The following MAGI1 variants were observed in gnomAD, a reference collection of about 807,000 sequenced individuals.
The protein encoded by MAGI1 is membrane associated guanylate kinase, WW and PDZ domain containing 1.
Under a neutral mutation model 139.9 loss-of-function variants are expected in MAGI1, and 58 were observed. The observed-to-expected ratio is 0.41, with a 90% CI of 0.34 to 0.52. The LOEUF (loss-of-function observed/expected upper bound fraction) is 0.52, where lower values mean the gene tolerates loss of function less well. Among genes scored for constraint, MAGI1 ranks in the 20% least tolerant of loss-of-function variants. The pLI is 0.12. For synonymous variants in MAGI1, 812 were observed against 737.9 expected, an observed-to-expected ratio of 1.10 and a Z score of -1.63; for missense variants, 1,874 against 1,901.6, an observed-to-expected ratio of 0.99 and a Z score of 0.27.
At chr3:65,763,398 C>G (rs1446769354) in intron 1 of MAGI1, among the ~76,000 whole-genome samples, 1 of 152,134 alleles carries the variant, frequency 6.6e-6, no homozygotes, top group Non-Finnish European at 1.5e-5. Flanking sequence ...AAGCTTTTCT[C>G]CTGTGACTCT....
At position 65,603,899 on chromosome 3, in the gene MAGI1, T is replaced by A. The variant is rs149988011; in HGVS notation, c.430+18073A>T. 6.6e-5 allele frequency among the ~76,000 whole-genome samples: 10 copies of A among 152,214 alleles called. No homozygotes were observed. In the East Asian group the frequency reaches 1.9e-3, roughly 29 times the overall value. ...GAAGACTGGAAGAAAGGAAACCCAC[T>A]CTCTCAAGTCTGTTTAAAAGGATCC... On this transcript the variant is annotated intron_variant, in intron 2 of 22. Coordinates refer to ENST00000402939, the MANE Select transcript of MAGI1 (RefSeq NM_001033057.2).
chr3:65,360,878 T>C (rs1940784902), intron 22 of MAGI1: 2 of 1,218,690 alleles, frequency 1.6e-6, no homozygotes, highest in Admixed American at 3.9e-5. Flanking sequence ...GTGCTAACAA[T>C]TGGATCTGAG....
chr3:65,732,685 C>A (rs1434501548), intron 1 of MAGI1, among the ~76,000 whole-genome samples: 1 of 152,152 alleles, frequency 6.6e-6, no homozygotes, highest in African/African-American at 2.4e-5. Context: ...ACTATCATAA[C>A]AAAATTATGC....
At chr3:65,621,812 A>T (rs1244303452) in intron 2 of MAGI1, among the ~76,000 whole-genome samples, 160 bp downstream of exon 2, 1 of 152,060 alleles carries the variant, frequency 6.6e-6, no homozygotes, top group Non-Finnish European at 1.5e-5. Context: ...ACACCACGAC[A>T]CTGTTATTGA....
intron 22 of MAGI1, chr3:65,359,536 G>A (rs1395105139): frequency 5.1e-6 from 5 of 982,846 alleles, no homozygotes; most frequent in East Asian, 9.7e-5. Flanking sequence ...CAAAGACCGC[G>A]GCAGTTAAAT....
At position 65,440,146 on chromosome 3, in the gene MAGI1, C is replaced by T. The variant is rs779740710; in HGVS notation, c.1137-134G>A. The T allele has an allele frequency of 4.1e-6, 4 of 979,188 alleles. No homozygotes were observed. The Admixed American group carries it at 8.6e-5, about 21-fold the overall frequency. 60.7% of individuals were successfully genotyped at this position (979,188 alleles called of 1,614,324 possible). The stretch of plus-strand genomic sequence containing the variant: ...ATGCTAACCCTCGTGTGTTAAAATG[C>T]TCAGTTAGAAAGAGGAAATAAAAAT... On this transcript the variant is annotated intron_variant, in intron 8 of 22. Transcript: ENST00000402939.
intron 2 of MAGI1, chr3:65,532,715 G>A (rs2078769062): frequency 6.6e-6 from 1 of 152,214 alleles, no homozygotes; most frequent in Non-Finnish European, 1.5e-5. Flanking sequence ...GGGTCCAGGT[G>A]ATCATCAAGC....
chr3:65,997,257 C>T (rs1157216440), intron 1 of MAGI1, among the ~76,000 whole-genome samples: 1 of 152,174 alleles, frequency 6.6e-6, no homozygotes, highest in Admixed American at 6.6e-5. Flanking sequence ...ACCACTAAAA[C>T]CTCCACCAAC....
chr3:65,602,281 T>C (rs969280581), intron 2 of MAGI1, among the ~76,000 whole-genome samples: 1 of 152,176 alleles, frequency 6.6e-6, no homozygotes, highest in Non-Finnish European at 1.5e-5. Flanking sequence ...TTACTCATAA[T>C]AGCCAAAAAG....
chr3:65,774,469 A>C (rs1236734723), intron 1 of MAGI1, among the ~76,000 whole-genome samples: 4 of 152,188 alleles, frequency 2.6e-5, no homozygotes, highest in Non-Finnish European at 5.9e-5. Context: ...TTCCTGGGGC[A>C]AAATTCTCCT....
In MAGI1 at chr3:65,731,663, T is replaced by C. The variant is rs113621031; in HGVS notation, c.314-109575A>G. 3.6e-3 allele frequency among the ~76,000 whole-genome samples: 408 copies of C among 112,914 alleles called. 5 individuals are homozygous for C. Among genetic ancestry groups the C allele is most frequent in the African/African-American group, 0.012 (387 of 32,252 alleles). The allele number at this position is 112,914 out of a possible 152,430, so 74.1% of individuals were successfully genotyped here. On this transcript the variant is annotated intron_variant, in intron 1 of 22. Transcript: ENST00000402939. ...GAGTGAGACTCTGTCTCAAAAAATTTAAAAAAAAAAAAAAAAAGAAAGAAA... is the reference window on the plus strand; with the variant it reads ...GAGTGAGACTCTGTCTCAAAAAATTCAAAAAAAAAAAAAAAAAGAAAGAAA...
In MAGI1 at chr3:65,841,353, T is replaced by C. The variant is rs74765720; in HGVS notation, c.313+196643A>G. Among the ~76,000 whole-genome samples, 652 of 152,226 alleles carry C rather than the reference T, an allele frequency of 4.3e-3. 7 individuals carry two copies. The highest frequency in any genetic ancestry group is 0.032 in the Admixed American group (484 of 15,284). ...TGCTCCTCGTCTTCTAGTTTCTTGA[T>C]GTAGGGGCTCCAAACTGTTATTTGA... On this transcript the variant is annotated intron_variant, in intron 1 of 22. Coordinates refer to ENST00000402939, the MANE Select transcript of MAGI1 (RefSeq NM_001033057.2).
At chr3:65,623,823 G>A (rs534916446) in intron 1 of MAGI1, among the ~76,000 whole-genome samples, 17 of 151,946 alleles carry the variant, frequency 1.1e-4, no homozygotes, top group Non-Finnish European at 2.1e-4. Context: ...ATTTTATTTG[G>A]TATTCTATCT....
intron 9 of MAGI1, among the ~76,000 whole-genome samples, chr3:65,437,644 T>C (rs1947945236): frequency 6.6e-6 from 1 of 152,042 alleles, no homozygotes; most frequent in Non-Finnish European, 1.5e-5. Flanking sequence ...TGAAGGTAGA[T>C]TTCAGCAGTT....
At chr3:65,944,476 G>A (rs1003257442) in intron 1 of MAGI1, among the ~76,000 whole-genome samples, 1 of 152,002 alleles carries the variant, frequency 6.6e-6, no homozygotes, top group Non-Finnish European at 1.5e-5. Flanking sequence ...CATGCTCATA[G>A]CACTGCACTC....
intron 1 of MAGI1, among the ~76,000 whole-genome samples, chr3:65,868,516 G>A (rs1043885219): frequency 1.7e-4 from 26 of 152,264 alleles, no homozygotes; most frequent in African/African-American, 6.3e-4. Context: ...CTGGAAAAAT[G>A]CCTTAGTGTC....
chr3:65,859,889 T>G (rs1237343244), intron 1 of MAGI1, among the ~76,000 whole-genome samples: 1 of 3,994 alleles, frequency 2.5e-4, no homozygotes, highest in East Asian at 0.1. Context: ...GGTGTTTTTT[T>G]GTTTGTTTTT....
chr3:65,495,121 C>T (rs1476215526), intron 2 of MAGI1, among the ~76,000 whole-genome samples: 1 of 152,130 alleles, frequency 6.6e-6, no homozygotes, highest in Non-Finnish European at 1.5e-5. Context: ...GCACAGGAAA[C>T]ATAGAGACAG....
chr3:65,637,608 GA>G (rs2084716084), intron 1 of MAGI1, among the ~76,000 whole-genome samples: 1 of 144,272 alleles, frequency 6.9e-6, no homozygotes, highest in Admixed American at 7.2e-5. Context: ...AAGAAAGAAA[GA>G]AAGAAAGAAA....
Sources: gnomAD v4.1 joint callset for allele counts (sites outside exome capture counted in the v4.1 genomes callset) on GRCh38, gnomAD v4.1.1 for gene constraint, MANE v1.5 for transcripts, NCBI Gene and HGNC (gene_info 2026-07-23, HGNC 2026-07-21) for gene names.